TVP23A: variants seen among roughly 807,000 people sequenced by gnomAD.
The protein encoded by TVP23A is trans-golgi network vesicle protein 23 homolog A, also known as Golgi apparatus membrane protein TVP23 homolog A.
Under a neutral mutation model 31.7 loss-of-function variants are expected in TVP23A, and 21 were observed. The observed-to-expected ratio is 0.66, with a 90% CI of 0.47 to 0.95. The LOEUF (loss-of-function observed/expected upper bound fraction) is 0.95, where lower values mean the gene tolerates loss of function less well. TVP23A is among the 40% of genes least tolerant of loss of function. The pLI, the probability that TVP23A is intolerant of heterozygous loss-of-function variation, is 0.00. For synonymous variants in TVP23A, 104 were observed against 96.0 expected (o/e 1.08, Z -0.49); for missense variants, 279 against 255.6 (o/e 1.09, Z -0.62).
rs376454410 is a variant in TVP23A, at chr16:10,782,017, AC to A, written c.90-6922del. Among the ~76,000 whole-genome samples the A allele has an allele frequency of 3.8e-3, 571 of 151,880 alleles. 1 individual carries two copies. Among genetic ancestry groups the A allele is most frequent in the African/African-American group, 0.013 (533 of 41,410 alleles). On this transcript the variant is annotated intron_variant, in intron 2 of 7. Transcript: ENST00000299866. ...GCTGGGATTGCAGGTGCCTGCCACC[AC>A]ACCTGGCTAATTTTTGTATTTTCAG...
intron 2 of TVP23A, among the ~76,000 whole-genome samples, chr16:10,812,323 T>C (rs1267704520): frequency 6.6e-6 from 1 of 152,198 alleles, no homozygotes; most frequent in Admixed American, 6.5e-5. Context: ...TGTAAAATGG[T>C]GTAACTGATG....
intron 6 of TVP23A, among the ~76,000 whole-genome samples, chr16:10,771,074 G>A (rs1313101290): frequency 6.6e-6 from 1 of 152,088 alleles, no homozygotes. Context: ...GAGGCGAGGA[G>A]GAGGGGGAGT....
At position 10,767,936 on chromosome 16, in the gene TVP23A, T is replaced by C. The variant is rs910554548; in HGVS notation, c.*1166A>G. 6.2e-6 allele frequency: 10 copies of C among 1,613,792 alleles called. No individual in the cohort carries two copies. Among genetic ancestry groups the C allele is most frequent in the Non-Finnish European group, 7.6e-6 (9 of 1,179,774 alleles). On this transcript the variant is annotated 3_prime_UTR_variant, in exon 8 of 8. Transcript: ENST00000299866. This position sits in a 1 kb window ranked among gnomAD's most constrained non-coding sequence, Gnocchi z 4.6. ...CTTGGACTGAATTGTCTTCCGTTTG[T>C]TTCTTTTTTAAGGTAAGAATTGTGA...
chr16:10,768,094 C>T lies in TVP23A; in HGVS notation c.*1008G>A. On this transcript the variant is annotated 3_prime_UTR_variant, in exon 8 of 8. Coordinates refer to ENST00000299866, the MANE Select transcript of TVP23A (RefSeq NM_001079512.4). The surrounding 1 kb of genome is among the most constrained non-coding windows in gnomAD (Gnocchi z 4.3). ...TGGGGCAGGAAGCAACATAAAGGAGCCAGGGGTGTGGAAGGACAGGTGGGT... is the reference window on the plus strand; with the variant it reads ...TGGGGCAGGAAGCAACATAAAGGAGTCAGGGGTGTGGAAGGACAGGTGGGT... The T allele has an allele frequency of 1.3e-6, 2 of 1,522,410 alleles. No individual in the cohort carries two copies. Among genetic ancestry groups the T allele is most frequent in the East Asian group, 2.3e-5 (1 of 44,362 alleles). 94.3% of individuals were successfully genotyped at this position (1,522,410 alleles called of 1,614,324 possible).
At chr16:10,807,490 G>C (rs9922953) in intron 2 of TVP23A, among the ~76,000 whole-genome samples, 115 of 152,320 alleles carry the variant, frequency 7.5e-4, no homozygotes, top group African/African-American at 2.7e-3. Flanking sequence ...CAGGGGCAAT[G>C]TGGCTGTGAG....
intron 2 of TVP23A, among the ~76,000 whole-genome samples, chr16:10,794,757 G>C (rs1184822364): frequency 1.3e-5 from 2 of 152,146 alleles, no homozygotes; most frequent in African/African-American, 4.8e-5. Context: ...GTAGGGGTCT[G>C]TGTCTGTCTG....
intron 2 of TVP23A, chr16:10,775,324 T>C: frequency 7.4e-7 from 1 of 1,358,700 alleles, no homozygotes. Context: ...CTTCGAAGAA[T>C]CCAGTACTTT....
At chr16:10,758,537 G>T (rs1285158447), downstream of TVP23A, among the ~76,000 whole-genome samples, 2 of 152,100 alleles carry the variant, frequency 1.3e-5, no homozygotes, top group African/African-American at 4.8e-5. Flanking sequence ...ACCATTCAAC[G>T]ATTTGGTTTT....
intron 2 of TVP23A, among the ~76,000 whole-genome samples, chr16:10,800,863 C>T (rs1013966929): frequency 3.9e-5 from 6 of 152,098 alleles, no homozygotes; most frequent in Admixed American, 2.0e-4. Context: ...TGGTGGTGCA[C>T]ACCTGTGGTC....
chr16:10,790,501 G>C (rs113752420), intron 2 of TVP23A, among the ~76,000 whole-genome samples: 1 of 152,048 alleles, frequency 6.6e-6, no homozygotes, highest in African/African-American at 2.4e-5. Context: ...TAGCCAGGAT[G>C]GTCTTGATCT....
chr16:10,818,443 C>A lies in TVP23A; in HGVS notation c.9+42G>T. ...CTCCAGCGCTCCCGCAGGCTCCCCT[C>A]GTCCCGCCCCGCCTCCAGCCCCAGC... is the stretch of plus-strand genomic sequence containing the variant. On this transcript the variant is annotated intron_variant, in intron 1 of 7. Coordinates refer to ENST00000299866, the MANE Select transcript of TVP23A (RefSeq NM_001079512.4). The surrounding 1 kb of genome is among the most constrained non-coding windows in gnomAD (Gnocchi z 4.7). The A allele has an allele frequency of 6.3e-7, 1 of 1,595,462 alleles. No homozygotes were observed. Among genetic ancestry groups the A allele is most frequent in the Admixed American group, 1.7e-5 (1 of 58,774 alleles).
intron 2 of TVP23A, among the ~76,000 whole-genome samples, chr16:10,799,549 G>C (rs1004987284): frequency 4.6e-5 from 7 of 152,220 alleles, no homozygotes; most frequent in African/African-American, 1.7e-4. Flanking sequence ...GGTCAGGCTG[G>C]TCTCAGACTC....
At chr16:10,792,078 ACC>A (rs2033136986) in intron 2 of TVP23A, among the ~76,000 whole-genome samples, 1 of 151,912 alleles carries the variant, frequency 6.6e-6, no homozygotes, top group Non-Finnish European at 1.5e-5. Flanking sequence ...ATCAGACACC[ACC>A]TCCTCAAACC....
At chr16:10,781,137 T>G (rs2032396753) in intron 2 of TVP23A, among the ~76,000 whole-genome samples, 1 of 152,024 alleles carries the variant, frequency 6.6e-6, no homozygotes, top group African/African-American at 2.4e-5. Context: ...AAGACCAGCC[T>G]GGACAACATG....
chr16:10,761,797 A>G (rs760793095), downstream of TVP23A: 10 of 1,613,948 alleles, frequency 6.2e-6, no homozygotes, highest in Non-Finnish European at 8.5e-6. Flanking sequence ...GGGGGCGCGG[A>G]GCTCATGTGC....
chr16:10,774,738 G>C (rs2031880968), intron 3 of TVP23A, among the ~76,000 whole-genome samples: 1 of 151,768 alleles, frequency 6.6e-6, no homozygotes, highest in African/African-American at 2.4e-5. Flanking sequence ...AGCCTCCCAA[G>C]TAGCTGGGAT....
At position 10,804,309 on chromosome 16, in the gene TVP23A, C is replaced by T. The variant is rs547496664; in HGVS notation, c.89+13794G>A. On this transcript the variant is annotated intron_variant, in intron 2 of 7. Coordinates refer to ENST00000299866, the MANE Select transcript of TVP23A (RefSeq NM_001079512.4). ...TATTTTCTCACCACTGTTTTCAGGGCTGGGGTTGGGGGCTGCAACCTCAGG... is the reference window on the plus strand; with the variant it reads ...TATTTTCTCACCACTGTTTTCAGGGTTGGGGTTGGGGGCTGCAACCTCAGG... Among the ~76,000 whole-genome samples, 46 of 152,320 alleles carry T rather than the reference C, an allele frequency of 3.0e-4. No individual in the cohort carries two copies. The South Asian group carries it at 9.3e-3, about 31-fold the overall frequency.
chr16:10,776,416 G>C (rs1390936717), intron 2 of TVP23A, among the ~76,000 whole-genome samples: 1 of 152,040 alleles, frequency 6.6e-6, no homozygotes, highest in Non-Finnish European at 1.5e-5. Flanking sequence ...GAAAAGAAAG[G>C]TTACCAAATT....
At position 10,768,204 on chromosome 16, in the gene TVP23A, G is replaced by C. The variant is rs191838765; in HGVS notation, c.*898C>G. ...AGAAATCTCTCAATGTGTGAGTATTGTGAATTAATTCATAGTTTAAAAAAC... is the reference window on the plus strand; with the variant it reads ...AGAAATCTCTCAATGTGTGAGTATTCTGAATTAATTCATAGTTTAAAAAAC... On this transcript the variant is annotated 3_prime_UTR_variant, in exon 8 of 8. Coordinates refer to ENST00000299866, the MANE Select transcript of TVP23A (RefSeq NM_001079512.4). The surrounding 1 kb of genome is among the most constrained non-coding windows in gnomAD (Gnocchi z 4.3). The C allele has an allele frequency of 3.9e-4, 195 of 506,070 alleles. 2 individuals are homozygous for C. Among genetic ancestry groups the C allele is most frequent in the African/African-American group, 3.4e-3 (177 of 51,494 alleles). The allele number at this position is 506,070 out of a possible 1,614,324, so 31.3% of individuals were successfully genotyped here. A position where few individuals can be genotyped will look rare whatever the true frequency, so the allele number is the denominator to read the frequency against.
Sources: gnomAD v4.1 joint callset for allele counts (sites outside exome capture counted in the v4.1 genomes callset) on GRCh38, gnomAD v4.1.1 for gene constraint, Gnocchi (gnomAD v3.1) non-coding constraint, MANE v1.5 for transcripts, NCBI Gene and HGNC (gene_info 2026-07-23, HGNC 2026-07-21) for gene names.